KAZALD1: variants seen among roughly 807,000 people sequenced by gnomAD.
The protein encoded by KAZALD1 is kazal-type serine protease inhibitor domain-containing protein 1.
Under a neutral mutation model 27.7 loss-of-function variants are expected in KAZALD1, and 31 were observed. The observed-to-expected ratio is 1.12, with a 90% confidence interval of 0.84 to 1.51. The LOEUF (loss-of-function observed/expected upper bound fraction) is 1.51. Among genes scored for constraint, KAZALD1 ranks in the 40% most tolerant of loss-of-function variants. The probability of loss-of-function intolerance (pLI) is 0.00; values close to 1 mark genes in which losing one functional copy is unlikely to be tolerated. For synonymous variants in KAZALD1, 179 were observed against 182.0 expected, an observed-to-expected ratio of 0.98 and a Z score of 0.13; for missense variants, 444 against 408.9, an observed-to-expected ratio of 1.09 and a Z score of -0.74.
rs1939312361 is a variant in KAZALD1, at chr10:101,066,154, G to C, written c.*1234G>C. 6.7e-5 allele frequency: 22 copies of C among 326,056 alleles called. No homozygotes were observed. The highest frequency in any genetic ancestry group is 5.5e-4 in the South Asian group (22 of 39,718). 20.2% of individuals were successfully genotyped at this position (326,056 alleles called of 1,614,324 possible). A position where few individuals can be genotyped will look rare whatever the true frequency, so the allele number is the denominator to read the frequency against. On this transcript the variant is annotated 3_prime_UTR_variant, in exon 5 of 5. Transcript: ENST00000370200. ...ATGTTTATTTAATGATTGGAGGAAA[G>C]AATGAAAGCATAAGTCAGCGAGGCC...
downstream of KAZALD1, chr10:101,067,366 C>A (rs896004207): frequency 1.8e-5 from 8 of 452,896 alleles, no homozygotes; most frequent in Non-Finnish European, 3.6e-5. Flanking sequence ...AAGTATAGTT[C>A]GCTTGAAATC....
At position 101,063,007 on chromosome 10, in the gene KAZALD1, G is replaced by C; in HGVS notation, c.415G>C (p.Gly139Arg). 6.3e-7 allele frequency: 1 copy of C among 1,599,884 alleles called. No individual in the cohort carries two copies. The highest frequency in any genetic ancestry group is 8.5e-7 in the Non-Finnish European group (1 of 1,178,880). The change falls in exon 2 of 5, where the codon GGT (glycine) becomes CGT (arginine). Residue 139 changes from glycine (G) to arginine (R), a missense_variant. Transcript: ENST00000370200. ...GCAGAGTCCGCTCTGCGGGTCCGAC[G>C]GTCACACCTACTCCCAGATCTGCCG... ...RSQSPLCGSD[G>R]HTYSQICRLQ...
At position 101,065,107 on chromosome 10, in the gene KAZALD1, G is replaced by A. The variant is rs949025240; in HGVS notation, c.*187G>A. 1 of 590,592 alleles carries A rather than the reference G, an allele frequency of 1.7e-6. No individual in the cohort carries two copies. Among genetic ancestry groups the A allele is most frequent in the Non-Finnish European group, 3.0e-6 (1 of 331,310 alleles). 36.6% of individuals were successfully genotyped at this position (590,592 alleles called of 1,614,324 possible). A position where few individuals can be genotyped will look rare whatever the true frequency, so the allele number is the denominator to read the frequency against. On this transcript the variant is annotated 3_prime_UTR_variant, in exon 5 of 5. Transcript: ENST00000370200. ...TAGGATAGAGACAAAAGCTGGAGGA[G>A]GGTAGGGAGAGAAGCTGAGACCAGG...
chr10:101,066,813 C>T lies in KAZALD1; in HGVS notation c.*1893C>T, dbSNP rs1430268680. The T allele has an allele frequency of 9.1e-6, 3 of 331,122 alleles. No individual in the cohort carries two copies. The highest frequency in any genetic ancestry group is 1.8e-5 in the Non-Finnish European group (3 of 169,492). 20.5% of individuals were successfully genotyped at this position (331,122 alleles called of 1,614,324 possible). On this transcript the variant is annotated 3_prime_UTR_variant, in exon 5 of 5. Transcript: ENST00000370200. ...AATCCGCACTCCTTAATCGCGTTAG[C>T]CGACTTTGTAGGTGTTCAGGAGCAG...
Position 101,066,921 on chromosome 10 carries a change from C to T in KAZALD1, c.*2001C>T. On this transcript the variant is annotated 3_prime_UTR_variant, in exon 5 of 5. Transcript: ENST00000370200. ...GGAATGGGAGAACTGTTGTCCACCG[C>T]CCCCTCCCTCCCCGCACCCCGCCTC... 9.5e-6 allele frequency: 3 copies of T among 316,716 alleles called. No homozygotes were observed. The highest frequency in any genetic ancestry group is 5.1e-5 in the South Asian group (2 of 39,600). 19.6% of individuals were successfully genotyped at this position (316,716 alleles called of 1,614,324 possible). A position where few individuals can be genotyped will look rare whatever the true frequency, so the allele number is the denominator to read the frequency against.
chr10:101,063,685 G>A (rs1417847201), intron 2 of KAZALD1, among the ~76,000 whole-genome samples: 1 of 152,168 alleles, frequency 6.6e-6, no homozygotes, highest in African/African-American at 2.4e-5. Flanking sequence ...CGTCTGGCTC[G>A]GCTGGGGCAG....
chr10:101,064,241 C>T lies in KAZALD1; in HGVS notation c.512-20C>T. The T allele has an allele frequency of 1.2e-6, 2 of 1,613,744 alleles. No individual in the cohort carries two copies. The highest frequency in any genetic ancestry group is 1.7e-6 in the Non-Finnish European group (2 of 1,179,742). ...TTTGCTGGGCCATGCTATTCTCAGA[C>T]CTCCCGCCTTCACCCCCAGGGCCCC... is the stretch of plus-strand genomic sequence containing the variant. On this transcript the variant is annotated intron_variant, in intron 2 of 4. Transcript: ENST00000370200.
rs1417009234 is a variant in KAZALD1, at chr10:101,065,099, C to A, written c.*179C>A. The A allele has an allele frequency of 1.0e-5, 6 of 598,228 alleles. No homozygotes were observed. In the Admixed American group the frequency reaches 1.1e-4, roughly 11 times the overall value. The allele number at this position is 598,228 out of a possible 1,614,324, so 37.1% of individuals were successfully genotyped here. On this transcript the variant is annotated 3_prime_UTR_variant, in exon 5 of 5. Coordinates refer to ENST00000370200, the MANE Select transcript of KAZALD1 (RefSeq NM_030929.5). ...CAGTGTGGTAGGATAGAGACAAAAG[C>A]TGGAGGAGGGTAGGGAGAGAAGCTG...
In KAZALD1 at chr10:101,062,758, T is replaced by A; in HGVS notation, c.166T>A (p.Cys56Ser). Residue 56 changes from cysteine (C) to serine (S), a missense_variant, in exon 2 of 5, where the codon TGC becomes AGC. By Grantham distance (112) the Cys-to-Ser change is moderately radical. Transcript: ENST00000370200. Reference protein sequence around the residue: ...LLAEGEGCAPCRPEECAAPRG... With the variant: ...LLAEGEGCAPSRPEECAAPRG... ...AGCGGAGGGCGAGGGCTGCGCTCCC[T>A]GCCGGCCAGAAGAGTGCGCCGCGCC... The A allele has an allele frequency of 1.3e-6, 2 of 1,549,722 alleles. No homozygotes were observed. Among genetic ancestry groups the A allele is most frequent in the Non-Finnish European group, 1.7e-6 (2 of 1,157,396 alleles).
At position 101,064,908 on chromosome 10, in the gene KAZALD1, C is replaced by T. The variant is rs767291203; in HGVS notation, c.903C>T (p.Asp301=). Residue 301 remains aspartate, a synonymous_variant, in exon 5 of 5, where the codon GAC becomes GAT. Coordinates refer to ENST00000370200, the MANE Select transcript of KAZALD1 (RefSeq NM_030929.5). The part of the protein sequence containing the change: ...PEEEAESEEN[D]DYY ...AGGAGGCTGAGAGTGAAGAGAATGA[C>T]GATTACTACTAGGTCCAGAGCTCTG... 23 of 1,612,320 alleles carry T rather than the reference C, an allele frequency of 1.4e-5. No individual in the cohort carries two copies. The highest frequency in any genetic ancestry group is 4.4e-5 in the South Asian group (4 of 91,044).
In KAZALD1 at chr10:101,066,685, G is replaced by A. The variant is rs1469656144; in HGVS notation, c.*1765G>A. The A allele has an allele frequency of 2.8e-6, 1 of 359,498 alleles. No homozygotes were observed. The highest frequency in any genetic ancestry group is 5.6e-6 in the Non-Finnish European group (1 of 179,656). The allele number at this position is 359,498 out of a possible 1,614,324, so 22.3% of individuals were successfully genotyped here. A position where few individuals can be genotyped will look rare whatever the true frequency, so the allele number is the denominator to read the frequency against. ...TGTTCTTCGCCCAGCTGGGCTCCAA[G>A]ACGCCCTCTGCGGGCCCATAGCTCC... On this transcript the variant is annotated 3_prime_UTR_variant, in exon 5 of 5. Coordinates refer to ENST00000370200, the MANE Select transcript of KAZALD1 (RefSeq NM_030929.5).
downstream of KAZALD1, chr10:101,067,928 G>A (rs1939367924): frequency 2.1e-6 from 1 of 471,556 alleles, no homozygotes; most frequent in Non-Finnish European, 4.4e-6. Flanking sequence ...GGTGGCGTGC[G>A]GGGAAGCGCC....
rs942412505 is a variant in KAZALD1, at chr10:101,065,961, A to G, written c.*1041A>G. Among the ~76,000 whole-genome samples the G allele has an allele frequency of 1.1e-4, 17 of 152,200 alleles. No individual in the cohort carries two copies. Among genetic ancestry groups the G allele is most frequent in the Non-Finnish European group, 2.2e-4 (15 of 68,038 alleles). On this transcript the variant is annotated 3_prime_UTR_variant, in exon 5 of 5. Coordinates refer to ENST00000370200, the MANE Select transcript of KAZALD1 (RefSeq NM_030929.5). ...GGAAGTTTGGTCACCTGTGTGGTCC[A>G]TACCCTTCCCCAGCTCCCATAGGAA...
chr10:101,067,748 G>C (rs377400209), downstream of KAZALD1: 4 of 361,904 alleles, frequency 1.1e-5, no homozygotes, highest in African/African-American at 8.6e-5. Context: ...TGACCGGGGG[G>C]GTCGATGTGC....
At position 101,062,567 on chromosome 10, in the gene KAZALD1, A is replaced by C. The variant is rs1269559833; in HGVS notation, c.-26A>C. On this transcript the variant is annotated 5_prime_UTR_variant, in exon 2 of 5. Transcript: ENST00000370200. ...GGTGCCCGAACGCGCTGATGCCCCGAGTGCTCGCAGGGCTTCCCGCTAACC... is the reference window on the plus strand; with the variant it reads ...GGTGCCCGAACGCGCTGATGCCCCGCGTGCTCGCAGGGCTTCCCGCTAACC... The C allele has an allele frequency of 1.3e-6, 2 of 1,576,704 alleles. No individual in the cohort carries two copies. The highest frequency in any genetic ancestry group is 1.7e-5 in the Admixed American group (1 of 57,286).
At chr10:101,063,139 G>T in intron 2 of KAZALD1, 36 bp downstream of exon 2, 1 of 1,489,218 alleles carries the variant, frequency 6.7e-7, no homozygotes, top group Non-Finnish European at 8.9e-7. Context: ...CCAGCACTTA[G>T]GTTTCCTAGA....
intron 4 of KAZALD1, 28 bp downstream of exon 4, chr10:101,064,676 T>TG: frequency 6.2e-7 from 1 of 1,612,686 alleles, no homozygotes; most frequent in Non-Finnish European, 8.5e-7. Context: ...TTCTGGGGGT[T>TG]GGGGGGATGG....
At chr10:101,067,064 A>G, downstream of KAZALD1, 1 of 347,046 alleles carries the variant, frequency 2.9e-6, no homozygotes, top group Non-Finnish European at 5.7e-6. Flanking sequence ...GCCGAGGATT[A>G]TTCACCGCAA....
chr10:101,065,217 G>A lies in KAZALD1; in HGVS notation c.*297G>A, dbSNP rs1454928501. On this transcript the variant is annotated 3_prime_UTR_variant, in exon 5 of 5. Transcript: ENST00000370200. The stretch of plus-strand genomic sequence containing the variant: ...GGTTGTTTCCCAGGCTGGGGTGGGG[G>A]CCTGAGCAGACACAGAGGTGCAGGC... 3 of 376,262 alleles carry A rather than the reference G, an allele frequency of 8.0e-6. No individual in the cohort carries two copies. The highest frequency in any genetic ancestry group is 9.8e-6 in the Non-Finnish European group (2 of 203,256). The allele number at this position is 376,262 out of a possible 1,614,324, so 23.3% of individuals were successfully genotyped here. A position where few individuals can be genotyped will look rare whatever the true frequency, so the allele number is the denominator to read the frequency against.
Sources: gnomAD v4.1 joint callset for allele counts (sites outside exome capture counted in the v4.1 genomes callset) on GRCh38, gnomAD v4.1.1 for gene constraint, MANE v1.5 for transcripts, NCBI Gene and HGNC (gene_info 2026-07-23, HGNC 2026-07-21) for gene names.